The following MACROD2 variants were observed in gnomAD, a reference collection of about 807,000 sequenced individuals.
MACROD2 encodes mono-ADP ribosylhydrolase 2.
In MACROD2, 36 loss-of-function variants were observed where a neutral mutation model predicts 70.4. The ratio of observed to expected loss-of-function variants is 0.51; its 90% CI spans 0.39 to 0.68. MACROD2 has a LOEUF of 0.68. MACROD2 is among the 30% of genes least tolerant of loss of function. MACROD2 has a pLI of 0.00. For synonymous variants in MACROD2, 172 were observed against 178.8 expected, an observed-to-expected ratio of 0.96 and a Z score of 0.30; for missense variants, 496 against 538.4, an observed-to-expected ratio of 0.92 and a Z score of 0.78.
intron 5 of MACROD2, among the ~76,000 whole-genome samples, chr20:15,024,827 T>G (rs773528010): frequency 1.3e-5 from 2 of 152,186 alleles, no homozygotes; most frequent in Non-Finnish European, 2.9e-5. Flanking sequence ...GGTATTTTGT[T>G]GAAAAATGAT....
At chr20:14,351,648 T>C (rs953518274) in intron 3 of MACROD2, among the ~76,000 whole-genome samples, 4 of 152,172 alleles carry the variant, frequency 2.6e-5, no homozygotes, top group Non-Finnish European at 5.9e-5. Flanking sequence ...GGAGTGTTTA[T>C]GTTTTTCCAA....
At chr20:14,566,969 T>C (rs1159719197) in intron 4 of MACROD2, 1 of 151,556 alleles carries the variant, frequency 6.6e-6, no homozygotes, top group Non-Finnish European at 1.5e-5. Context: ...TTTTTTGAGG[T>C]GGGGTCCTGT....
chr20:15,821,528 T>C (rs1256535617), intron 8 of MACROD2, among the ~76,000 whole-genome samples: 1 of 152,214 alleles, frequency 6.6e-6, no homozygotes, highest in East Asian at 1.9e-4. Context: ...TTTAGTTTTC[T>C]TATTGAAATA....
intron 7 of MACROD2, among the ~76,000 whole-genome samples, chr20:15,432,969 A>G (rs1371534657): frequency 6.6e-6 from 1 of 152,096 alleles, no homozygotes; most frequent in Non-Finnish European, 1.5e-5. Context: ...GATCATGTCA[A>G]TAGATGCAGA....
intron 8 of MACROD2, among the ~76,000 whole-genome samples, chr20:15,584,316 C>T (rs147759438): frequency 0.018 from 2,774 of 150,946 alleles, 84 homozygotes; most frequent in African/African-American, 0.06. Flanking sequence ...AGATTTTTGG[C>T]GTCATAGAAA....
chr20:14,596,585 T>A (rs901767801), intron 4 of MACROD2, among the ~76,000 whole-genome samples: 2 of 152,074 alleles, frequency 1.3e-5, no homozygotes, highest in Admixed American at 1.3e-4. Context: ...AGTACTTTTA[T>A]CTACTTATTC....
chr20:14,730,913 A>G (rs542502192), intron 5 of MACROD2, among the ~76,000 whole-genome samples: 5 of 152,012 alleles, frequency 3.3e-5, no homozygotes, highest in African/African-American at 9.6e-5. Flanking sequence ...TAAATTAGGT[A>G]TGCATGTTTT....
chr20:15,387,130 T>A (rs1357711175), intron 6 of MACROD2, among the ~76,000 whole-genome samples: 1 of 152,084 alleles, frequency 6.6e-6, no homozygotes, highest in African/African-American at 2.4e-5. Context: ...CTGGCAGAAA[T>A]AATACAGTTA....
At chr20:14,907,040 C>G (rs1169748357) in intron 5 of MACROD2, among the ~76,000 whole-genome samples, 3 of 152,128 alleles carry the variant, frequency 2.0e-5, no homozygotes, top group Non-Finnish European at 2.9e-5. Flanking sequence ...AAATTGCGGA[C>G]TAGCTAAAAC....
chr20:14,549,361 A>G (rs60566235), intron 4 of MACROD2, among the ~76,000 whole-genome samples: 2 of 152,164 alleles, frequency 1.3e-5, no homozygotes, highest in African/African-American at 4.8e-5. Flanking sequence ...TAGACCTAAG[A>G]ATAAATACTG....
intron 4 of MACROD2, among the ~76,000 whole-genome samples, chr20:14,507,677 A>G (rs1366101056): frequency 1.3e-5 from 2 of 152,210 alleles, no homozygotes; most frequent in Non-Finnish European, 2.9e-5. Flanking sequence ...ACTAAAGGAT[A>G]CATATATTTA....
At position 14,010,241 on chromosome 20, in the gene MACROD2, G is replaced by T. The variant is rs185896436; in HGVS notation, c.163+7837G>T. 3.3e-5 allele frequency among the ~76,000 whole-genome samples: 5 copies of T among 152,254 alleles called. No individual in the cohort carries two copies. In the East Asian group the frequency reaches 9.6e-4, roughly 29 times the overall value. ...TATAATAAAGGAAGCTAGAGAAAAA[G>T]TGCTATTAAGATCATAAGAGAAAAT... On this transcript the variant is annotated intron_variant, in intron 2 of 17. Coordinates refer to ENST00000684519, the MANE Select transcript of MACROD2 (RefSeq NM_001351661.2).
chr20:15,641,913 G>GAA (rs1197725280), intron 8 of MACROD2, among the ~76,000 whole-genome samples: 3 of 152,146 alleles, frequency 2.0e-5, no homozygotes, highest in Non-Finnish European at 2.9e-5. Flanking sequence ...TGTGAACCAT[G>GAA]AAACAGTAAA....
intron 4 of MACROD2, among the ~76,000 whole-genome samples, chr20:14,586,870 T>G (rs1170500626): frequency 6.6e-6 from 1 of 152,050 alleles, no homozygotes; most frequent in East Asian, 1.9e-4. Context: ...TATAGCCTCA[T>G]AATATTTGGA....
At chr20:14,466,903 T>C (rs1276937235) in intron 3 of MACROD2, among the ~76,000 whole-genome samples, 3 of 152,030 alleles carry the variant, frequency 2.0e-5, no homozygotes, top group Admixed American at 2.0e-4. Flanking sequence ...AAGTTTTGTC[T>C]CAGAGGAGTA....
intron 15 of MACROD2, among the ~76,000 whole-genome samples, chr20:16,019,365 G>T (rs1367159961): frequency 6.6e-6 from 1 of 152,198 alleles, no homozygotes; most frequent in Non-Finnish European, 1.5e-5. Context: ...GGGACCTGCA[G>T]TGTGAGTAGG....
At chr20:14,173,729 C>T (rs1415483607) in intron 3 of MACROD2, among the ~76,000 whole-genome samples, 1 of 152,050 alleles carries the variant, frequency 6.6e-6, no homozygotes, top group Non-Finnish European at 1.5e-5. Context: ...TTTCTAGTTC[C>T]TTCTCATTTG....
At chr20:14,694,236 T>G (rs950962229) in intron 5 of MACROD2, among the ~76,000 whole-genome samples, 6 of 152,220 alleles carry the variant, frequency 3.9e-5, no homozygotes, top group Non-Finnish European at 7.3e-5. Flanking sequence ...ATTTGTAACT[T>G]TAGTCTAATT....
intron 3 of MACROD2, among the ~76,000 whole-genome samples, chr20:14,362,245 C>T (rs1189186645): frequency 1.3e-5 from 2 of 152,142 alleles, no homozygotes; most frequent in Admixed American, 1.3e-4. Flanking sequence ...AATCTTGATA[C>T]CAACCAAGTG....
Sources: allele counts gnomAD v4.1 joint callset (sites outside exome capture counted in the v4.1 genomes callset), GRCh38; gene constraint gnomAD v4.1.1; transcripts MANE v1.5; gene names NCBI Gene and HGNC (gene_info 2026-07-23, HGNC 2026-07-21).